The following PTPRE variants were observed in gnomAD, a reference collection of about 807,000 sequenced individuals.
PTPRE encodes receptor-type tyrosine-protein phosphatase epsilon.
Under a neutral mutation model 102.0 loss-of-function variants are expected in PTPRE, and 51 were observed. That is an observed-to-expected ratio of 0.50 (90% CI 0.40 to 0.63). PTPRE has a LOEUF of 0.63. Among genes scored for constraint, PTPRE ranks in the 30% least tolerant of loss-of-function variants. PTPRE has a pLI of 0.00. For missense variants in PTPRE, 752 were observed against 915.1 expected (o/e 0.82, Z 2.30); for synonymous variants, 345 against 348.2 (o/e 0.99, Z 0.10).
In PTPRE at chr10:127,907,331, G is replaced by T. The variant is rs1331183127; in HGVS notation, c.-31+22G>T. The T allele has an allele frequency of 1.0e-6, 1 of 984,358 alleles. No individual in the cohort carries two copies. Among genetic ancestry groups the T allele is most frequent in the Non-Finnish European group, 1.2e-6 (1 of 829,618 alleles). 61.0% of individuals were successfully genotyped at this position (984,358 alleles called of 1,614,324 possible). ...CGAGGTGAGCGCGCGTGCGGACAGG[G>T]ACCCTGCGCCCCTGTGGGGAACTGT... On this transcript the variant is annotated intron_variant, in intron 1 of 20. Coordinates refer to ENST00000254667, the MANE Select transcript of PTPRE (RefSeq NM_006504.6). The surrounding 1 kb of genome is among the most constrained non-coding windows in gnomAD (Gnocchi z 4.8).
Position 128,047,965 on chromosome 10 carries a change from C to A in PTPRE, c.283+128C>A. ...TGTGCCTTGCCACTTTCATCTCACT[C>A]TACCTGGTATGATGCTGTCATTTAG... On this transcript the variant is annotated intron_variant, in intron 5 of 20. Coordinates refer to ENST00000254667, the MANE Select transcript of PTPRE (RefSeq NM_006504.6). 6 of 892,024 alleles carry A rather than the reference C, an allele frequency of 6.7e-6. No individual in the cohort carries two copies. The South Asian group carries it at 1.1e-4, about 16-fold the overall frequency. The allele number at this position is 892,024 out of a possible 1,614,324, so 55.3% of individuals were successfully genotyped here. A position where few individuals can be genotyped will look rare whatever the true frequency, so the allele number is the denominator to read the frequency against.
At chr10:127,992,765 C>G (rs759765414) in intron 2 of PTPRE, among the ~76,000 whole-genome samples, 1 of 152,138 alleles carries the variant, frequency 6.6e-6, no homozygotes, top group Non-Finnish European at 1.5e-5. Context: ...AATCCAAGTC[C>G]CCATTCAGAA....
chr10:128,063,017 G>A (rs1283559239), intron 9 of PTPRE, 66 bp from the exon 10 acceptor site: 60 of 1,599,488 alleles, frequency 3.8e-5, no homozygotes, highest in Middle Eastern at 1.7e-4. Flanking sequence ...CCAGGGTGCC[G>A]GGGCTGGGAC....
At chr10:127,940,362 G>A (rs562229875) in intron 1 of PTPRE, among the ~76,000 whole-genome samples, 2 of 152,266 alleles carry the variant, frequency 1.3e-5, no homozygotes, top group East Asian at 3.9e-4. Flanking sequence ...CCAACCCCTA[G>A]GACAGCTCAC....
At chr10:128,004,077 G>T (rs555280198) in intron 2 of PTPRE, among the ~76,000 whole-genome samples, 1 of 152,070 alleles carries the variant, frequency 6.6e-6, no homozygotes, top group East Asian at 1.9e-4. Context: ...TTGTTGGGGG[G>T]ATTAAATGGG....
intron 1 of PTPRE, among the ~76,000 whole-genome samples, chr10:127,910,410 T>C (rs1367460239): frequency 6.6e-6 from 1 of 152,216 alleles, no homozygotes; most frequent in African/African-American, 2.4e-5. Flanking sequence ...TCTCTCTTAC[T>C]CTTGGTTCCA....
chr10:128,069,484 A>G (rs867798267), intron 12 of PTPRE: 3 of 613,296 alleles, frequency 4.9e-6, no homozygotes, highest in Non-Finnish European at 8.5e-6. Context: ...CTCTTAGTAG[A>G]GTGTCGGTGG....
At chr10:128,019,469 G>A (rs1845688451) in intron 2 of PTPRE, among the ~76,000 whole-genome samples, 1 of 152,364 alleles carries the variant, frequency 6.6e-6, no homozygotes, top group Non-Finnish European at 1.5e-5. Flanking sequence ...GGAGCAGTCA[G>A]GACCGGACAT....
intron 1 of PTPRE, among the ~76,000 whole-genome samples, chr10:127,959,572 CAAAG>C (rs1223947804): frequency 6.6e-6 from 1 of 152,152 alleles, no homozygotes; most frequent in African/African-American, 2.4e-5. Context: ...TCTGAATTTG[CAAAG>C]AAAGTGATTG....
chr10:127,942,807 A>G (rs1353915418), intron 1 of PTPRE, among the ~76,000 whole-genome samples: 1 of 152,238 alleles, frequency 6.6e-6, no homozygotes, highest in African/African-American at 2.4e-5. Flanking sequence ...TGATGGTTGC[A>G]CAGCAGTGTA....
intron 1 of PTPRE, among the ~76,000 whole-genome samples, chr10:127,955,954 G>C (rs980509485): frequency 6.6e-6 from 1 of 152,080 alleles, no homozygotes; most frequent in Non-Finnish European, 1.5e-5. Context: ...ACAGCAAGGG[G>C]GAAATCCATC....
intron 1 of PTPRE, among the ~76,000 whole-genome samples, chr10:127,955,779 T>C (rs766698473): frequency 4.6e-5 from 7 of 152,186 alleles, no homozygotes; most frequent in Non-Finnish European, 1.0e-4. Context: ...TCTGCAGGCT[T>C]AACAGGAAGC....
intron 2 of PTPRE, among the ~76,000 whole-genome samples, chr10:128,005,392 C>T (rs977204152): frequency 1.3e-5 from 2 of 152,306 alleles, no homozygotes; most frequent in South Asian, 2.1e-4. Flanking sequence ...AATCCTTGCT[C>T]ATCTACCTTT....
chr10:128,047,290 T>A lies in PTPRE; in HGVS notation c.110-100T>A, dbSNP rs573646228. 7.2e-5 allele frequency: 105 copies of A among 1,455,084 alleles called. No individual in the cohort carries two copies. The South Asian group carries it at 1.3e-3, about 18-fold the overall frequency. 90.1% of individuals were successfully genotyped at this position (1,455,084 alleles called of 1,614,324 possible). ...ATGGATCCACTTTACAAAATATAGT[T>A]TGGGGTTCTGGTGTCCAGGAAGAAG... On this transcript the variant is annotated intron_variant, in intron 3 of 20. Transcript: ENST00000254667.
intron 1 of PTPRE, among the ~76,000 whole-genome samples, chr10:127,919,460 C>T (rs1846439875): frequency 2.0e-5 from 3 of 152,346 alleles, no homozygotes; most frequent in African/African-American, 7.2e-5. Flanking sequence ...CTCCTGCCAC[C>T]CGTGGGCTGC....
intron 3 of PTPRE, among the ~76,000 whole-genome samples, chr10:128,043,955 C>T (rs951312299): frequency 1.3e-5 from 2 of 152,164 alleles, no homozygotes; most frequent in Non-Finnish European, 2.9e-5. Context: ...GGTAGCACTT[C>T]ACAATTATAA....
chr10:127,945,254 T>A (rs1398685451), intron 1 of PTPRE, among the ~76,000 whole-genome samples: 1 of 152,240 alleles, frequency 6.6e-6, no homozygotes, highest in Non-Finnish European at 1.5e-5. Context: ...GTTGTGCTGC[T>A]GTAGCAACAT....
intron 1 of PTPRE, among the ~76,000 whole-genome samples, chr10:127,946,735 G>T (rs1295370730): frequency 6.6e-6 from 1 of 152,214 alleles, no homozygotes; most frequent in African/African-American, 2.4e-5. Context: ...GGAGTAGGAA[G>T]AAAAGAAACA....
At chr10:128,021,619 G>A (rs1370834984) in intron 2 of PTPRE, among the ~76,000 whole-genome samples, 1 of 152,190 alleles carries the variant, frequency 6.6e-6, no homozygotes, top group Non-Finnish European at 1.5e-5. Flanking sequence ...CCAAAGCATA[G>A]AATGCCCCCA....
Sources: allele counts gnomAD v4.1 joint callset (sites outside exome capture counted in the v4.1 genomes callset), GRCh38; gene constraint gnomAD v4.1.1; non-coding constraint Gnocchi (gnomAD v3.1); transcripts MANE v1.5; gene names NCBI Gene and HGNC (gene_info 2026-07-23, HGNC 2026-07-21).